Variants in CDC42 observed in about 807,000 individuals in gnomAD.
The protein encoded by CDC42 is cell division control protein 42 homolog.
A neutral mutation model predicts 20.8 loss-of-function variants in CDC42; 1 was observed. That is an observed-to-expected ratio of 0.05 (90% CI 0.02 to 0.23). The LOEUF is 0.23. CDC42 is among the 10% of genes least tolerant of loss of function. The probability of loss-of-function intolerance (pLI) is 1.00; values close to 1 mark genes in which losing one functional copy is unlikely to be tolerated. For missense variants in CDC42, 49 were observed against 227.9 expected (o/e 0.21, Z 5.05); for synonymous variants, 72 against 84.8 (o/e 0.85, Z 0.83).
intron 1 of CDC42, among the ~76,000 whole-genome samples, chr1:22,055,881 T>TTTG (rs1243200223): frequency 6.6e-6 from 1 of 150,988 alleles, no homozygotes; most frequent in Non-Finnish European, 1.5e-5. Flanking sequence ...TTTTTTTTTT[T>TTTG]TTTTTGAGAG....
intron 1 of CDC42, among the ~76,000 whole-genome samples, chr1:22,067,768 A>G (rs1041008164): frequency 2.6e-5 from 4 of 151,630 alleles, no homozygotes; most frequent in Non-Finnish European, 5.9e-5. Context: ...GGACCTAATC[A>G]CCTCCCAGCA....
At chr1:22,063,654 T>G (rs16826328) in intron 1 of CDC42, among the ~76,000 whole-genome samples, 3,587 of 152,158 alleles carry the variant, frequency 0.024, 125 homozygotes, top group African/African-American at 0.079. Context: ...TTTTTCCCCT[T>G]TAGGACAAAA....
chr1:22,055,099 G>T (rs1361411699), intron 1 of CDC42, among the ~76,000 whole-genome samples: 1 of 149,864 alleles, frequency 6.7e-6, no homozygotes, highest in South Asian at 2.1e-4. Context: ...GACTACAGGC[G>T]CCCGCCACCA....
intron 1 of CDC42, among the ~76,000 whole-genome samples, chr1:22,054,256 C>T (rs1278499850): frequency 6.6e-6 from 1 of 152,070 alleles, no homozygotes; most frequent in Non-Finnish European, 1.5e-5. Flanking sequence ...ATATTGCACT[C>T]CCAGGCTGCA....
rs780658203 is a variant in CDC42 at position 22,100,026 on chromosome 1, C to CTTTTTTTTTTTTTTTTTTTT, written c.*8511_*8512insTTTTTTTTTTTTTTTTTTTT. 3.5e-5 allele frequency among the ~76,000 whole-genome samples: 2 copies of CTTTTTTTTTTTTTTTTTTTT among 57,584 alleles called. 1 individual carries two copies. The highest frequency in any genetic ancestry group is 6.8e-5 in the Non-Finnish European group (2 of 29,440). 37.8% of individuals were successfully genotyped at this position (57,584 alleles called of 152,430 possible). On this transcript the variant is annotated 3_prime_UTR_variant, in exon 6 of 6. Transcript: ENST00000656825. ...CCTTTTTTTCTTTCTTCTTCTTCTT[C>CTTTTTTTTTTTTTTTTTTTT]TTCTTTTTTTTTTTTTTTGTATAAT... is the stretch of plus-strand genomic sequence containing the variant.
rs1354090304 is a variant in CDC42 at position 22,098,560 on chromosome 1, T to C, written c.*7043T>C. ...ATTTTTAAAAAAGGAAAGCAGTGCT[T>C]AGGGCCATATTGTTTTGAAATAGGA... On this transcript the variant is annotated 3_prime_UTR_variant, in exon 6 of 6. Transcript: ENST00000656825. Among the ~76,000 whole-genome samples the C allele has an allele frequency of 2.0e-5, 3 of 152,172 alleles. No homozygotes were observed. The highest frequency in any genetic ancestry group is 7.2e-5 in the African/African-American group (3 of 41,444).
rs1645740951 is a variant in CDC42, at chr1:22,094,286, A to G, written c.*2769A>G. On this transcript the variant is annotated 3_prime_UTR_variant, in exon 6 of 6. Transcript: ENST00000656825. ...TTATAAGTGTTTTACTGAACATCCT[A>G]GAAATAGATTTTTTTTTTTTTTTTT... Among the ~76,000 whole-genome samples the G allele has an allele frequency of 1.2e-5, 1 of 85,080 alleles. No homozygotes were observed. The highest frequency in any genetic ancestry group is 4.2e-4 in the South Asian group (1 of 2,364). The allele number at this position is 85,080 out of a possible 152,430, so 55.8% of individuals were successfully genotyped here.
rs1404317396 is a variant in CDC42 at position 22,061,528 on chromosome 1, C to CTTTTTTTTTTTTTTTTTTT, written c.-51+8789_-51+8790insTTTTTTTTTTTTTTTTTTT. 1.2e-4 allele frequency among the ~76,000 whole-genome samples: 10 copies of CTTTTTTTTTTTTTTTTTTT among 86,306 alleles called. 4 individuals carry two copies. The highest frequency in any genetic ancestry group is 4.2e-4 in the Admixed American group (3 of 7,080). 56.6% of individuals were successfully genotyped at this position (86,306 alleles called of 152,430 possible). ...GGTCAATCAGTTTAACTTCATGTTT[C>CTTTTTTTTTTTTTTTTTTT]TTTCTTTTTTTTTTTTTTTTTTTTT... On this transcript the variant is annotated intron_variant, in intron 1 of 5. Transcript: ENST00000656825.
intron 1 of CDC42, among the ~76,000 whole-genome samples, chr1:22,075,847 C>A (rs768329312): frequency 2.6e-5 from 4 of 152,150 alleles, no homozygotes; most frequent in Non-Finnish European, 4.4e-5. Flanking sequence ...GGACTCACAA[C>A]CAACCAGTTT....
intron 5 of CDC42, among the ~76,000 whole-genome samples, chr1:22,091,170 T>A (rs1645712015): frequency 1.3e-5 from 2 of 152,228 alleles, no homozygotes; most frequent in Admixed American, 1.3e-4. Flanking sequence ...TCTTGTGACA[T>A]ACATTGGTCT....
chr1:22,067,255 A>G (rs899360325), intron 1 of CDC42, among the ~76,000 whole-genome samples: 13 of 152,150 alleles, frequency 8.5e-5, no homozygotes, highest in African/African-American at 2.9e-4. Context: ...GGGAAGGACA[A>G]TATTGGGGTG....
At chr1:22,058,608 G>A (rs1270831873) in intron 1 of CDC42, among the ~76,000 whole-genome samples, 6 of 150,454 alleles carry the variant, frequency 4.0e-5, no homozygotes, top group Non-Finnish European at 1.5e-5. Context: ...TCAACCTCCC[G>A]AGTAGCTGGG....
intron 3 of CDC42, among the ~76,000 whole-genome samples, chr1:22,084,271 T>TA (rs1254133578): frequency 2.6e-5 from 4 of 151,910 alleles, no homozygotes; most frequent in Admixed American, 2.6e-4. Flanking sequence ...TCCCATTTTA[T>TA]ATTCCTACCA....
intron 5 of CDC42, among the ~76,000 whole-genome samples, chr1:22,089,005 G>C (rs548328523): frequency 4.2e-4 from 64 of 152,290 alleles, no homozygotes; most frequent in African/African-American, 1.5e-3. Flanking sequence ...GTGGAGGTGG[G>C]AACACTTGGG....
intron 1 of CDC42, chr1:22,064,090 A>G (rs1426828287): frequency 6.6e-6 from 1 of 150,904 alleles, no homozygotes; most frequent in African/African-American, 2.4e-5. Context: ...TTTTTGTTAC[A>G]TTAACTGTTT....
chr1:22,052,867 G>A (rs16860621), intron 1 of CDC42, 125 bp downstream of exon 1: 18,424 of 152,428 alleles, frequency 0.12, 1,260 homozygotes, highest in Admixed American at 0.18. Context: ...CCGGGAGCAC[G>A]GGTTGTGGGG....
At chr1:22,087,457 T>C (rs1444707433) in intron 5 of CDC42, among the ~76,000 whole-genome samples, 1 of 152,196 alleles carries the variant, frequency 6.6e-6, no homozygotes, top group Non-Finnish European at 1.5e-5. Flanking sequence ...GGAACTCCTT[T>C]TGTAGTTTGA....
chr1:22,084,284 AG>A (rs1411437105), intron 3 of CDC42, among the ~76,000 whole-genome samples: 2 of 144,756 alleles, frequency 1.4e-5, no homozygotes, highest in Admixed American at 1.4e-4. Flanking sequence ...TCCTACCAAC[AG>A]TACGTGGGGT....
chr1:22,079,143 T>C (rs1314955774), intron 2 of CDC42, among the ~76,000 whole-genome samples: 1 of 106,630 alleles, frequency 9.4e-6, no homozygotes, highest in Non-Finnish European at 2.4e-5. Context: ...TTTTTTCTTT[T>C]TTTTTTTTTT....
Sources: gnomAD v4.1 joint callset for allele counts (sites outside exome capture counted in the v4.1 genomes callset) on GRCh38, gnomAD v4.1.1 for gene constraint, MANE v1.5 for transcripts, NCBI Gene and HGNC (gene_info 2026-07-23, HGNC 2026-07-21) for gene names.